SYNPO2: variants seen among roughly 807,000 people sequenced by gnomAD.
The protein encoded by SYNPO2 is synaptopodin 2.
In SYNPO2, 56 loss-of-function variants were observed where a neutral mutation model predicts 85.0. That is an observed-to-expected ratio of 0.66 (90% CI 0.53 to 0.82). SYNPO2 has a LOEUF of 0.82. Ranked by LOEUF, SYNPO2 falls within the 40% of genes least tolerant of loss-of-function variation. The pLI is 0.00. For synonymous variants in SYNPO2, 602 were observed against 591.1 expected (o/e 1.02, Z -0.27); for missense variants, 1,575 against 1,534.2 (o/e 1.03, Z -0.44).
chr4:118,936,241 A>T (rs1443395116), intron 1 of SYNPO2, among the ~76,000 whole-genome samples: 1 of 152,108 alleles, frequency 6.6e-6, no homozygotes, highest in Non-Finnish European at 1.5e-5. Flanking sequence ...ACACTCTCTG[A>T]TGTTCGCCTA....
At chr4:118,960,039 C>A (rs1020206549) in intron 1 of SYNPO2, among the ~76,000 whole-genome samples, 4 of 152,120 alleles carry the variant, frequency 2.6e-5, no homozygotes, top group African/African-American at 9.7e-5. Flanking sequence ...GGCAATGTGA[C>A]CACAGAGGTA....
chr4:118,967,656 C>G (rs947255354), intron 1 of SYNPO2, among the ~76,000 whole-genome samples: 12 of 152,172 alleles, frequency 7.9e-5, no homozygotes, highest in African/African-American at 2.7e-4. Context: ...AGCACAATCC[C>G]TGATAGTTTC....
chr4:119,024,645 TA>T (rs574003909), intron 2 of SYNPO2, among the ~76,000 whole-genome samples: 32 of 151,916 alleles, frequency 2.1e-4, no homozygotes, highest in African/African-American at 7.2e-4. Context: ...AATAAGTTTA[TA>T]AAATACATAA....
chr4:118,906,702 C>A (rs1732949528), intron 1 of SYNPO2, among the ~76,000 whole-genome samples: 1 of 152,108 alleles, frequency 6.6e-6, no homozygotes, highest in South Asian at 2.1e-4. Flanking sequence ...AAGAGAAGAG[C>A]TCTCAAAATG....
chr4:118,864,354 C>T (rs543612658), intron 1 of SYNPO2, among the ~76,000 whole-genome samples: 2 of 152,212 alleles, frequency 1.3e-5, no homozygotes, highest in African/African-American at 2.4e-5. Context: ...GTTTTATAAC[C>T]GAACATATGG....
intron 1 of SYNPO2, among the ~76,000 whole-genome samples, chr4:118,979,031 AT>A (rs1735902556): frequency 1.3e-5 from 2 of 152,094 alleles, no homozygotes; most frequent in Non-Finnish European, 2.9e-5. Flanking sequence ...ACCTGTACTG[AT>A]GCGATATACT....
chr4:118,861,695 G>A (rs1244115014), intron 1 of SYNPO2, among the ~76,000 whole-genome samples: 1 of 152,050 alleles, frequency 6.6e-6, no homozygotes, highest in Non-Finnish European at 1.5e-5. Context: ...TATTCTACTG[G>A]TGTATGTGTC....
intron 1 of SYNPO2, among the ~76,000 whole-genome samples, chr4:118,907,070 C>G (rs190412790): frequency 1.2e-3 from 188 of 152,226 alleles, no homozygotes; most frequent in African/African-American, 4.4e-3. Flanking sequence ...CCACCTCAGC[C>G]TTCCGAAGTG....
At chr4:119,040,707 G>C (rs1383457965) in intron 4 of SYNPO2, among the ~76,000 whole-genome samples, 1 of 152,204 alleles carries the variant, frequency 6.6e-6, no homozygotes, top group Non-Finnish European at 1.5e-5. Flanking sequence ...TTGGTATCCT[G>C]AGTAACCTGG....
At chr4:118,944,806 T>A (rs1412869847) in intron 1 of SYNPO2, among the ~76,000 whole-genome samples, 3 of 152,200 alleles carry the variant, frequency 2.0e-5, no homozygotes, top group African/African-American at 7.2e-5. Context: ...TTTTATAGAA[T>A]GCCTGAAAAA....
intron 1 of SYNPO2, among the ~76,000 whole-genome samples, chr4:118,910,111 GTTCAATCTCAGATTTC>G (rs1452539673): frequency 6.6e-6 from 1 of 152,140 alleles, no homozygotes; most frequent in Non-Finnish European, 1.5e-5. Flanking sequence ...GGGTTGTTGT[GTTCAATCTCAGATTTC>G]TGTCTTTGCA....
At chr4:118,852,884 A>T (rs2110560488) in intron 1 of SYNPO2, among the ~76,000 whole-genome samples, 1 of 152,332 alleles carries the variant, frequency 6.6e-6, no homozygotes, top group African/African-American at 2.4e-5. Context: ...ATTTAAAAAC[A>T]TTGATTTTCT....
intron 1 of SYNPO2, among the ~76,000 whole-genome samples, chr4:118,961,489 C>T (rs1221475491): frequency 6.6e-6 from 1 of 152,192 alleles, no homozygotes; most frequent in East Asian, 1.9e-4. Flanking sequence ...TCTGCGTCTT[C>T]ATTACTCAGG....
chr4:118,885,111 T>A (rs1331052763), upstream of SYNPO2, among the ~76,000 whole-genome samples: 1 of 152,106 alleles, frequency 6.6e-6, no homozygotes, highest in East Asian at 1.9e-4. Flanking sequence ...AAAAGCAATT[T>A]TGAGAAAAGA....
At chr4:119,026,313 C>G (rs894069050) in intron 2 of SYNPO2, among the ~76,000 whole-genome samples, 1 of 152,000 alleles carries the variant, frequency 6.6e-6, no homozygotes, top group Admixed American at 6.6e-5. Flanking sequence ...TAAGAGATAC[C>G]CAGATTCCAA....
intron 1 of SYNPO2, among the ~76,000 whole-genome samples, chr4:118,970,532 T>A (rs1043800083): frequency 2.0e-5 from 3 of 152,238 alleles, no homozygotes; most frequent in African/African-American, 7.2e-5. Context: ...TTGGATAAGA[T>A]GCATGAATGC....
intron 1 of SYNPO2, among the ~76,000 whole-genome samples, chr4:118,889,518 A>G (rs1732293300): frequency 6.6e-6 from 1 of 152,144 alleles, no homozygotes; most frequent in African/African-American, 2.4e-5. Context: ...CAGAGGAGAA[A>G]CGCTCAGTTC....
chr4:119,022,512 GTTTTT>G (rs778146297), intron 1 of SYNPO2, among the ~76,000 whole-genome samples: 1 of 87,096 alleles, frequency 1.1e-5, no homozygotes. Context: ...TTTTTTGTAG[GTTTTT>G]TTTTTTTTTT....
At chr4:118,879,447 G>C (rs1424196078) in intron 1 of SYNPO2, among the ~76,000 whole-genome samples, 2 of 152,168 alleles carry the variant, frequency 1.3e-5, no homozygotes, top group East Asian at 3.9e-4. Context: ...GAGCCCTTGT[G>C]AATGGATTAG....
Sources: gnomAD v4.1 joint callset for allele counts (sites outside exome capture counted in the v4.1 genomes callset) on GRCh38, gnomAD v4.1.1 for gene constraint, MANE v1.5 for transcripts, NCBI Gene and HGNC (gene_info 2026-07-23, HGNC 2026-07-21) for gene names.